Variants in RBFOX1 observed in about 807,000 individuals in gnomAD.
RBFOX1 encodes the protein RNA binding protein fox-1 homolog 1.
RBFOX1 carries 8 observed loss-of-function variants against 57.7 expected under a neutral mutation model. The observed-to-expected ratio is 0.14, with a 90% CI of 0.08 to 0.25. The LOEUF (loss-of-function observed/expected upper bound fraction) is 0.25, where lower values mean the gene tolerates loss of function less well. Ranked by LOEUF, RBFOX1 falls within the 10% of genes least tolerant of loss-of-function variation. The pLI is 1.00. For missense variants in RBFOX1, 611 were observed against 548.5 expected (o/e 1.11, Z -1.14); for synonymous variants, 326 against 222.4 (o/e 1.47, Z -4.15).
chr16:5,890,699 A>G lies in RBFOX1; in HGVS notation c.351+23364A>G, dbSNP rs932310943. Among the ~76,000 whole-genome samples the G allele has an allele frequency of 1.6e-3, 217 of 136,548 alleles. 2 individuals carry two copies. Among genetic ancestry groups the G allele is most frequent in the Admixed American group, 2.9e-3 (40 of 14,020 alleles). The allele number at this position is 136,548 out of a possible 152,430, so 89.6% of individuals were successfully genotyped here. ...GTGACAGACAGAGAGTCTGTATTGAAAAAAAAAAAAAAAAAAAAAAAAGTG... is the reference window on the plus strand; with the variant it reads ...GTGACAGACAGAGAGTCTGTATTGAGAAAAAAAAAAAAAAAAAAAAAAGTG... On this transcript the variant is annotated intron_variant, in intron 4 of 19. Transcript: ENST00000641259.
chr16:6,996,536 T>C (rs1218026174), intron 3 of RBFOX1, among the ~76,000 whole-genome samples: 1 of 152,194 alleles, frequency 6.6e-6, no homozygotes, highest in Non-Finnish European at 1.5e-5. Flanking sequence ...TACATTGTAG[T>C]TACTATTGTA....
chr16:6,536,190 A>G (rs2096732950), intron 2 of RBFOX1, among the ~76,000 whole-genome samples: 1 of 152,238 alleles, frequency 6.6e-6, no homozygotes, highest in Admixed American at 6.5e-5. Context: ...TCTTGTATAA[A>G]TGCAACCCAA....
At chr16:5,852,105 A>G (rs1360111191) in intron 3 of RBFOX1, among the ~76,000 whole-genome samples, 1 of 152,244 alleles carries the variant, frequency 6.6e-6, no homozygotes, top group Non-Finnish European at 1.5e-5. Flanking sequence ...CAGAGTGATC[A>G]GAATGATCCT....
At chr16:7,466,809 T>C (rs944449592) in intron 4 of RBFOX1, among the ~76,000 whole-genome samples, 4 of 152,174 alleles carry the variant, frequency 2.6e-5, no homozygotes, top group African/African-American at 9.7e-5. Context: ...ATATACACAA[T>C]GCTAGGTTGG....
At chr16:5,783,263 C>T (rs945031392) in intron 3 of RBFOX1, among the ~76,000 whole-genome samples, 2 of 152,166 alleles carry the variant, frequency 1.3e-5, no homozygotes, top group Non-Finnish European at 2.9e-5. Flanking sequence ...GTGTAACTAT[C>T]TTTTCAATCT....
chr16:7,589,595 C>G (rs1245390209), intron 7 of RBFOX1, among the ~76,000 whole-genome samples: 1 of 151,640 alleles, frequency 6.6e-6, no homozygotes, highest in Non-Finnish European at 1.5e-5. Context: ...GGTGTTGGAG[C>G]TGACTGTTTA....
In RBFOX1 at chr16:6,865,001, T is replaced by TC. The variant is rs1555544560; in HGVS notation, c.-15-187056_-15-187055insC. ...GGAGTGGGTTTTTCTTTTTCTTTTT[T>TC]TTTTTTTTTTTTTTTTTTGAGATCG... On this transcript the variant is annotated intron_variant, in intron 3 of 15. Transcript: ENST00000550418. Among the ~76,000 whole-genome samples the TC allele has an allele frequency of 9.0e-4, 82 of 90,732 alleles. 1 individual carries two copies. Among genetic ancestry groups the TC allele is most frequent in the East Asian group, 3.6e-3 (9 of 2,512 alleles). 59.5% of individuals were successfully genotyped at this position (90,732 alleles called of 152,430 possible). A position where few individuals can be genotyped will look rare whatever the true frequency, so the allele number is the denominator to read the frequency against.
At chr16:7,167,326 T>G (rs555185984) in intron 4 of RBFOX1, among the ~76,000 whole-genome samples, 1 of 152,062 alleles carries the variant, frequency 6.6e-6, no homozygotes, top group African/African-American at 2.4e-5. Flanking sequence ...TAAGGATCTC[T>G]AGGTGAAATC....
intron 4 of RBFOX1, among the ~76,000 whole-genome samples, chr16:7,444,960 T>C (rs1389544113): frequency 6.6e-6 from 1 of 152,164 alleles, no homozygotes; most frequent in Non-Finnish European, 1.5e-5. Flanking sequence ...TGGTGTGTCA[T>C]ATGAAGAACA....
chr16:6,831,104 C>T (rs2092678374), intron 3 of RBFOX1, among the ~76,000 whole-genome samples: 1 of 152,194 alleles, frequency 6.6e-6, no homozygotes, highest in Admixed American at 6.5e-5. Context: ...TAGATTCATA[C>T]TACTCCATTA....
intron 10 of RBFOX1, 70 bp from the exon 11 acceptor site, chr16:7,630,533 A>T (rs924326176): frequency 1.9e-6 from 3 of 1,599,088 alleles, no homozygotes; most frequent in Non-Finnish European, 2.5e-6. Context: ...TCTCGGTTGC[A>T]TTGCCGTGAT....
intron 3 of RBFOX1, among the ~76,000 whole-genome samples, chr16:6,845,741 C>T (rs150176766): frequency 6.6e-6 from 1 of 152,186 alleles, no homozygotes; most frequent in African/African-American, 2.4e-5. Context: ...TCCTTCCTGA[C>T]CCCCATACAC....
intron 4 of RBFOX1, among the ~76,000 whole-genome samples, chr16:7,175,396 A>G (rs549679739): frequency 6.6e-6 from 1 of 152,196 alleles, no homozygotes; most frequent in African/African-American, 2.4e-5. Context: ...TTTCCCTTAT[A>G]AGTCAGCAAA....
chr16:7,347,133 C>T (rs1351577847), intron 4 of RBFOX1, among the ~76,000 whole-genome samples: 1 of 152,088 alleles, frequency 6.6e-6, no homozygotes, highest in African/African-American at 2.4e-5. Flanking sequence ...GGACATTTAG[C>T]AATATCTGGA....
At chr16:5,976,531 G>A (rs139446949) in intron 4 of RBFOX1, among the ~76,000 whole-genome samples, 17 of 152,210 alleles carry the variant, frequency 1.1e-4, no homozygotes, top group African/African-American at 1.7e-4. Context: ...GGAATTCTAA[G>A]GTATTCTGAG....
At chr16:6,585,381 T>C (rs1238808925) in intron 2 of RBFOX1, among the ~76,000 whole-genome samples, 1 of 152,198 alleles carries the variant, frequency 6.6e-6, no homozygotes, top group Non-Finnish European at 1.5e-5. Flanking sequence ...AAATCATCTC[T>C]TCTTGACTTT....
At chr16:6,267,624 A>C (rs1230068721) in intron 1 of RBFOX1, among the ~76,000 whole-genome samples, 2 of 152,190 alleles carry the variant, frequency 1.3e-5, no homozygotes, top group Non-Finnish European at 2.9e-5. Context: ...AAGACTGCAA[A>C]ACCCTGAACA....
intron 4 of RBFOX1, among the ~76,000 whole-genome samples, chr16:7,495,789 A>G (rs1411873203): frequency 6.6e-6 from 1 of 152,224 alleles, no homozygotes; most frequent in Admixed American, 6.5e-5. Context: ...CCAAAATCTC[A>G]GAAATCCGCA....
At chr16:6,083,982 T>C (rs533920596) in intron 1 of RBFOX1, among the ~76,000 whole-genome samples, 7 of 152,258 alleles carry the variant, frequency 4.6e-5, no homozygotes, top group South Asian at 2.1e-4. Context: ...TATTCAAAAA[T>C]GATGTCAAAT....
Sources: allele counts gnomAD v4.1 joint callset (sites outside exome capture counted in the v4.1 genomes callset), GRCh38; gene constraint gnomAD v4.1.1; transcripts MANE v1.5; gene names NCBI Gene and HGNC (gene_info 2026-07-23, HGNC 2026-07-21).